The following EXOC6B variants were observed in gnomAD, a reference collection of about 807,000 sequenced individuals.
The protein encoded by EXOC6B is exocyst complex component 6B.
A neutral mutation model predicts 113.5 loss-of-function variants in EXOC6B; 54 were observed. The observed-to-expected ratio is 0.48, with a 90% confidence interval of 0.38 to 0.60. EXOC6B has a LOEUF of 0.60. Among genes scored for constraint, EXOC6B ranks in the 20% least tolerant of loss-of-function variants. EXOC6B has a pLI of 0.00. For missense variants in EXOC6B, 797 were observed against 977.5 expected (o/e 0.82, Z 2.46); for synonymous variants, 357 against 339.0 (o/e 1.05, Z -0.58).
intron 6 of EXOC6B, among the ~76,000 whole-genome samples, chr2:72,693,759 G>A (rs976195838): frequency 3.3e-5 from 5 of 151,864 alleles, no homozygotes; most frequent in Admixed American, 3.3e-4. Context: ...CTATTCTCTC[G>A]GATTCACCCA....
At chr2:72,651,749 C>T (rs1020307659) in intron 6 of EXOC6B, among the ~76,000 whole-genome samples, 10 of 152,160 alleles carry the variant, frequency 6.6e-5, no homozygotes, top group African/African-American at 2.2e-4. Flanking sequence ...GCACCTGCCA[C>T]CACGCCTGGC....
chr2:72,670,101 A>AT (rs1344255063), intron 6 of EXOC6B, among the ~76,000 whole-genome samples: 2 of 152,244 alleles, frequency 1.3e-5, no homozygotes, highest in African/African-American at 4.8e-5. Context: ...TGCTTATGGC[A>AT]TTTAAACTGC....
chr2:72,533,397 G>C (rs1278135620), intron 8 of EXOC6B, among the ~76,000 whole-genome samples: 1 of 152,204 alleles, frequency 6.6e-6, no homozygotes, highest in Non-Finnish European at 1.5e-5. Flanking sequence ...TTAGAGAACT[G>C]TCTCAGCAAG....
chr2:72,503,867 T>C (rs1700463390), intron 11 of EXOC6B, among the ~76,000 whole-genome samples: 1 of 89,670 alleles, frequency 1.1e-5, no homozygotes, highest in South Asian at 9.4e-4. Flanking sequence ...GTGTGGTTCG[T>C]GTTCTGGATT....
At chr2:72,805,269 T>C (rs889455361) in intron 1 of EXOC6B, among the ~76,000 whole-genome samples, 5 of 152,206 alleles carry the variant, frequency 3.3e-5, no homozygotes, top group Non-Finnish European at 5.9e-5. Context: ...AATTAACTTA[T>C]AATAAATTTC....
intron 15 of EXOC6B, 148 bp from the exon 16 acceptor site, chr2:72,492,577 A>T: frequency 2.1e-6 from 1 of 482,434 alleles, no homozygotes; most frequent in Non-Finnish European, 3.7e-6. Flanking sequence ...AAGTACTATA[A>T]TAAACTCTCC....
At position 72,176,717 on chromosome 2, in the gene EXOC6B, A is replaced by G. The variant is rs1677753088; in HGVS notation, c.*2618T>C. 1 of 152,182 alleles carries G rather than the reference A, an allele frequency of 6.6e-6. No individual in the cohort carries two copies. Among genetic ancestry groups the G allele is most frequent in the South Asian group, 2.1e-4 (1 of 4,824 alleles). The allele number at this position is 152,182 out of a possible 1,614,324, so 9.4% of individuals were successfully genotyped here. On this transcript the variant is annotated 3_prime_UTR_variant, in exon 22 of 22. Transcript: ENST00000272427. ...CTACTGAAACCTAATAGAGTCCCAA[A>G]CTGAACTGTCCCTTCAGGAATATAG...
intron 18 of EXOC6B, among the ~76,000 whole-genome samples, chr2:72,430,094 C>T (rs938239081): frequency 6.6e-6 from 1 of 152,212 alleles, no homozygotes; most frequent in East Asian, 1.9e-4. Flanking sequence ...AATATAATTG[C>T]TTTAAAAGCC....
At chr2:72,485,623 C>T (rs779745350) in intron 16 of EXOC6B, among the ~76,000 whole-genome samples, 2 of 152,050 alleles carry the variant, frequency 1.3e-5, no homozygotes, top group African/African-American at 2.4e-5. Flanking sequence ...CTCCTGGTTA[C>T]GAATTCCAAG....
chr2:72,765,069 A>G (rs563188635), intron 1 of EXOC6B, among the ~76,000 whole-genome samples: 3 of 139,986 alleles, frequency 2.1e-5, no homozygotes, highest in African/African-American at 8.1e-5. Context: ...CCTGAGCAAC[A>G]TGGTGAGACC....
chr2:72,561,796 C>A (rs1449679248), intron 7 of EXOC6B, among the ~76,000 whole-genome samples: 1 of 152,158 alleles, frequency 6.6e-6, no homozygotes, highest in East Asian at 1.9e-4. Flanking sequence ...TCTATTCTCT[C>A]TGAGGCTGTT....
chr2:72,248,175 A>G (rs1360728652), intron 20 of EXOC6B, among the ~76,000 whole-genome samples: 1 of 152,224 alleles, frequency 6.6e-6, no homozygotes, highest in African/African-American at 2.4e-5. Context: ...ATAACTTTAA[A>G]AAGTGTTATC....
chr2:72,517,289 T>G (rs889908218), intron 8 of EXOC6B, among the ~76,000 whole-genome samples: 11 of 152,224 alleles, frequency 7.2e-5, no homozygotes, highest in African/African-American at 2.7e-4. Flanking sequence ...CCTTTTCTTT[T>G]GATTTTAAAA....
At chr2:72,278,544 A>AAT (rs1029542508) in intron 20 of EXOC6B, among the ~76,000 whole-genome samples, 4 of 152,182 alleles carry the variant, frequency 2.6e-5, no homozygotes, top group Non-Finnish European at 4.4e-5. Flanking sequence ...CAATCAGCCA[A>AAT]ATATATATTG....
At chr2:72,394,437 G>T (rs1692593495) in intron 18 of EXOC6B, among the ~76,000 whole-genome samples, 1 of 152,098 alleles carries the variant, frequency 6.6e-6, no homozygotes, top group African/African-American at 2.4e-5. Flanking sequence ...CTTGCTGGGT[G>T]ACCCTCATTA....
At chr2:72,601,669 G>T (rs1402211504) in intron 6 of EXOC6B, among the ~76,000 whole-genome samples, 1 of 152,024 alleles carries the variant, frequency 6.6e-6, no homozygotes, top group African/African-American at 2.4e-5. Context: ...CATGTTCCTA[G>T]TTATTTACAC....
chr2:72,585,968 T>C lies in EXOC6B; in HGVS notation c.670-10300A>G, dbSNP rs556202433. The stretch of plus-strand genomic sequence containing the variant: ...GCCACACACCTACAACCATCTGATC[T>C]TCAACAGTCGACAAAAATAAGCAAT... On this transcript the variant is annotated intron_variant, in intron 6 of 21. Transcript: ENST00000272427. Among the ~76,000 whole-genome samples the C allele has an allele frequency of 1.3e-3, 199 of 152,214 alleles. 3 individuals are homozygous for C. Among genetic ancestry groups the C allele is most frequent in the African/African-American group, 4.4e-3 (181 of 41,530 alleles).
chr2:72,508,163 C>CAAAAAAAA (rs67586747), intron 11 of EXOC6B, among the ~76,000 whole-genome samples: 13 of 57,520 alleles, frequency 2.3e-4, no homozygotes, highest in African/African-American at 1.3e-3. Context: ...ATATTACCCG[C>CAAAAAAAA]AAAAAAAAAA....
intron 19 of EXOC6B, among the ~76,000 whole-genome samples, chr2:72,372,757 A>G (rs913858081): frequency 1.3e-5 from 2 of 152,064 alleles, no homozygotes; most frequent in Non-Finnish European, 2.9e-5. Context: ...AGGCAGGAGA[A>G]TTGCTTGAAC....
Sources: allele counts gnomAD v4.1 joint callset (sites outside exome capture counted in the v4.1 genomes callset), GRCh38; gene constraint gnomAD v4.1.1; transcripts MANE v1.5; gene names NCBI Gene and HGNC (gene_info 2026-07-23, HGNC 2026-07-21).